KLHL29: variants seen among roughly 807,000 people sequenced by gnomAD.
The protein encoded by KLHL29 is kelch-like protein 29.
In KLHL29, 21 loss-of-function variants were observed where a neutral mutation model predicts 80.4. That is an observed-to-expected ratio of 0.26 (90% CI 0.19 to 0.38). KLHL29 has a LOEUF of 0.38. Ranked by LOEUF, KLHL29 falls within the 10% of genes least tolerant of loss-of-function variation. The pLI, the probability that KLHL29 is intolerant of heterozygous loss-of-function variation, is 1.00. For synonymous variants in KLHL29, 511 were observed against 526.8 expected, an observed-to-expected ratio of 0.97 and a Z score of 0.41; for missense variants, 867 against 1,223.9, an observed-to-expected ratio of 0.71 and a Z score of 4.35.
intron 1 of KLHL29, among the ~76,000 whole-genome samples, chr2:23,473,644 G>A (rs1037529140): frequency 6.6e-6 from 1 of 152,054 alleles, no homozygotes; most frequent in Non-Finnish European, 1.5e-5. Context: ...ATATTCATTC[G>A]GCACAGCCTG....
intron 2 of KLHL29, among the ~76,000 whole-genome samples, chr2:23,552,909 G>A (rs180892948): frequency 2.1e-3 from 313 of 152,008 alleles, no homozygotes; most frequent in African/African-American, 7.3e-3. Context: ...ACAGGAGCCC[G>A]TCATCACATC....
chr2:23,425,733 G>A lies in KLHL29; in HGVS notation c.-154+39953G>A, dbSNP rs544400409. On this transcript the variant is annotated intron_variant, in intron 1 of 13. Coordinates refer to ENST00000486442, the MANE Select transcript of KLHL29 (RefSeq NM_052920.2). ...TTAGATTAGACTGGGTGTACTGGGT[G>A]CAGGCGACATCATTTCTGAGAACTG... 3.3e-5 allele frequency among the ~76,000 whole-genome samples: 5 copies of A among 152,346 alleles called. No individual in the cohort carries two copies. In the South Asian group the frequency reaches 1.0e-3, roughly 32 times the overall value.
chr2:23,589,025 T>G (rs543684654), intron 3 of KLHL29, among the ~76,000 whole-genome samples: 8 of 152,388 alleles, frequency 5.2e-5, no homozygotes, highest in Non-Finnish European at 1.0e-4. Flanking sequence ...GTCTCCTGGT[T>G]ACACGTGTGT....
intron 7 of KLHL29, among the ~76,000 whole-genome samples, chr2:23,693,039 C>G (rs918127609): frequency 6.6e-6 from 1 of 152,188 alleles, no homozygotes; most frequent in African/African-American, 2.4e-5. Context: ...AGGACCTGTG[C>G]GCACAGAGGG....
intron 3 of KLHL29, among the ~76,000 whole-genome samples, chr2:23,628,128 T>G (rs1438527328): frequency 6.6e-6 from 1 of 152,028 alleles, no homozygotes. Flanking sequence ...ACCAGGCTGG[T>G]CTCGAACTCC....
At chr2:23,468,195 G>A (rs1460832685) in intron 1 of KLHL29, among the ~76,000 whole-genome samples, 1 of 152,222 alleles carries the variant, frequency 6.6e-6, no homozygotes, top group Non-Finnish European at 1.5e-5. Flanking sequence ...GTGGGCAGAC[G>A]TGGTCATTGC....
intron 3 of KLHL29, among the ~76,000 whole-genome samples, chr2:23,622,734 G>A (rs1258406021): frequency 1.3e-5 from 2 of 152,214 alleles, no homozygotes; most frequent in African/African-American, 2.4e-5. Context: ...TCAACCGGAC[G>A]CCAGCCATCT....
intron 3 of KLHL29, among the ~76,000 whole-genome samples, chr2:23,604,637 C>T (rs1473094645): frequency 6.6e-6 from 1 of 152,200 alleles, no homozygotes; most frequent in African/African-American, 2.4e-5. Context: ...CCCTGGAGCA[C>T]TGAGTGCCCA....
chr2:23,518,917 C>T (rs1047472404), intron 2 of KLHL29, among the ~76,000 whole-genome samples: 1 of 152,228 alleles, frequency 6.6e-6, no homozygotes, highest in African/African-American at 2.4e-5. Flanking sequence ...GTTCAGTCTC[C>T]TCTGCTTTCT....
intron 1 of KLHL29, among the ~76,000 whole-genome samples, chr2:23,415,896 A>G (rs1274274488): frequency 6.6e-6 from 1 of 152,124 alleles, no homozygotes; most frequent in Non-Finnish European, 1.5e-5. Flanking sequence ...AAAGATAGTA[A>G]TACTCACTGC....
At chr2:23,529,159 G>A (rs1279055006) in intron 2 of KLHL29, among the ~76,000 whole-genome samples, 1 of 152,228 alleles carries the variant, frequency 6.6e-6, no homozygotes, top group African/African-American at 2.4e-5. Flanking sequence ...GCAGGCTGCA[G>A]TGTGCAGTGG....
chr2:23,517,238 G>A (rs907265572), intron 2 of KLHL29, among the ~76,000 whole-genome samples: 32 of 152,350 alleles, frequency 2.1e-4, no homozygotes, highest in African/African-American at 7.7e-4. Flanking sequence ...CCATTTGACA[G>A]AAACTTTTAA....
chr2:23,600,539 G>A (rs184249256), intron 3 of KLHL29, among the ~76,000 whole-genome samples: 1 of 152,306 alleles, frequency 6.6e-6, no homozygotes, highest in East Asian at 1.9e-4. Flanking sequence ...TGAACATCAC[G>A]CCTGTCTGGC....
intron 1 of KLHL29, among the ~76,000 whole-genome samples, chr2:23,470,370 C>T (rs1664465258): frequency 6.6e-6 from 1 of 152,122 alleles, no homozygotes; most frequent in Non-Finnish European, 1.5e-5. Flanking sequence ...GCTGGAGGCC[C>T]AGGAACAAAA....
At chr2:23,608,875 A>C (rs1299476276) in intron 3 of KLHL29, among the ~76,000 whole-genome samples, 2 of 152,208 alleles carry the variant, frequency 1.3e-5, no homozygotes, top group Non-Finnish European at 2.9e-5. Flanking sequence ...TAAAGATAAT[A>C]ATAATAATAA....
At chr2:23,477,726 G>C (rs1217634316) in intron 2 of KLHL29, among the ~76,000 whole-genome samples, 1 of 152,238 alleles carries the variant, frequency 6.6e-6, no homozygotes, top group African/African-American at 2.4e-5. Flanking sequence ...TGGAAAACAA[G>C]ACAGCGCAGC....
intron 1 of KLHL29, among the ~76,000 whole-genome samples, chr2:23,395,999 C>T (rs1666444751): frequency 6.6e-6 from 1 of 152,200 alleles, no homozygotes; most frequent in Admixed American, 6.5e-5. Flanking sequence ...CGCAGGTAGG[C>T]GTAGAGAACT....
At chr2:23,427,801 C>T (rs1299554680) in intron 1 of KLHL29, among the ~76,000 whole-genome samples, 1 of 152,226 alleles carries the variant, frequency 6.6e-6, no homozygotes, top group African/African-American at 2.4e-5. Context: ...AGTTTTGTGA[C>T]ATATTTTTAA....
chr2:23,445,603 A>C (rs1473835408), intron 1 of KLHL29, among the ~76,000 whole-genome samples: 1 of 152,234 alleles, frequency 6.6e-6, no homozygotes, highest in Non-Finnish European at 1.5e-5. Flanking sequence ...CATTTCGTAC[A>C]TGTGAAGGCA....
Sources: allele counts gnomAD v4.1 joint callset (sites outside exome capture counted in the v4.1 genomes callset), GRCh38; gene constraint gnomAD v4.1.1; transcripts MANE v1.5; gene names NCBI Gene and HGNC (gene_info 2026-07-23, HGNC 2026-07-21).